The following FAR2 variants were observed in gnomAD, a reference collection of about 807,000 sequenced individuals.
FAR2 encodes fatty acyl-CoA reductase 2, also known as epididymis secretory protein Li 81.
Under a neutral mutation model 56.0 loss-of-function variants are expected in FAR2, and 19 were observed. The observed-to-expected ratio is 0.34, with a 90% CI of 0.24 to 0.50. The LOEUF (loss-of-function observed/expected upper bound fraction) is 0.50, where lower values mean the gene tolerates loss of function less well. Among genes scored for constraint, FAR2 ranks in the 20% least tolerant of loss-of-function variants. FAR2 has a pLI of 0.98. For missense variants in FAR2, 508 were observed against 642.2 expected (o/e 0.79, Z 2.26); for synonymous variants, 219 against 218.8 (o/e 1.00, Z -0.01).
At chr12:29,187,312 G>A (rs1056016695) in intron 1 of FAR2, among the ~76,000 whole-genome samples, 3 of 151,840 alleles carry the variant, frequency 2.0e-5, no homozygotes. Flanking sequence ...CTAGAGCTCA[G>A]TTATTAAATA....
intron 1 of FAR2, among the ~76,000 whole-genome samples, chr12:29,262,509 A>T (rs915773218): frequency 2.0e-5 from 3 of 152,188 alleles, no homozygotes; most frequent in Non-Finnish European, 1.5e-5. Context: ...GCACGCCTGT[A>T]ATCCCAGCTA....
intron 1 of FAR2, among the ~76,000 whole-genome samples, chr12:29,266,007 G>A (rs955721116): frequency 2.0e-5 from 3 of 152,040 alleles, no homozygotes; most frequent in Admixed American, 6.6e-5. Context: ...TCCAAAGACA[G>A]GCAATAACAA....
At chr12:29,218,966 A>G (rs1947654660) in intron 1 of FAR2, among the ~76,000 whole-genome samples, 1 of 152,116 alleles carries the variant, frequency 6.6e-6, no homozygotes. Context: ...ATCTCAGCTC[A>G]CTGCAACCTC....
intron 2 of FAR2, among the ~76,000 whole-genome samples, chr12:29,287,303 C>T (rs10771512): frequency 0.53 from 80,279 of 152,006 alleles, 21,507 homozygotes; most frequent in East Asian, 0.62. Flanking sequence ...GTTATAGAAA[C>T]GGTCTTCGCT....
At chr12:29,271,291 C>T (rs949812062) in intron 2 of FAR2, among the ~76,000 whole-genome samples, 1 of 152,164 alleles carries the variant, frequency 6.6e-6, no homozygotes, top group South Asian at 2.1e-4. Context: ...AATTTCAAGG[C>T]AGTATAACCT....
chr12:29,246,982 CATA>C (rs748525944), intron 1 of FAR2, among the ~76,000 whole-genome samples: 27 of 151,992 alleles, frequency 1.8e-4, no homozygotes, highest in Non-Finnish European at 2.8e-4. Context: ...TTTCATAATT[CATA>C]ATATTTCATA....
chr12:29,212,008 G>T (rs1328282486), intron 1 of FAR2, among the ~76,000 whole-genome samples: 1 of 151,302 alleles, frequency 6.6e-6, no homozygotes, highest in African/African-American at 2.4e-5. Flanking sequence ...GAGAGGCCTG[G>T]AACAGATCCT....
intron 1 of FAR2, among the ~76,000 whole-genome samples, chr12:29,218,172 C>G (rs958132436): frequency 2.0e-5 from 3 of 151,864 alleles, no homozygotes; most frequent in East Asian, 3.9e-4. Context: ...CTGGCTAACA[C>G]GGTAAAACCT....
intron 1 of FAR2, among the ~76,000 whole-genome samples, chr12:29,165,866 A>T (rs2136581777): frequency 6.6e-6 from 1 of 152,364 alleles, no homozygotes; most frequent in Non-Finnish European, 1.5e-5. Flanking sequence ...AAAAAAATAT[A>T]GAACAGAGTT....
intron 1 of FAR2, among the ~76,000 whole-genome samples, chr12:29,198,093 T>C (rs1040265450): frequency 6.6e-6 from 1 of 152,224 alleles, no homozygotes; most frequent in Non-Finnish European, 1.5e-5. Context: ...AATAACAAAT[T>C]TTTAATGAGA....
intron 10 of FAR2, among the ~76,000 whole-genome samples, chr12:29,325,256 C>T (rs1007267150): frequency 6.6e-6 from 1 of 152,152 alleles, no homozygotes; most frequent in African/African-American, 2.4e-5. Flanking sequence ...AAAGCAAGCC[C>T]TTAGTGACCT....
At chr12:29,186,294 C>T (rs184910358) in intron 1 of FAR2, among the ~76,000 whole-genome samples, 6 of 152,284 alleles carry the variant, frequency 3.9e-5, no homozygotes, top group Admixed American at 3.9e-4. Flanking sequence ...CATATTGCAG[C>T]TCTAGGAGAT....
chr12:29,209,406 G>T (rs1449738811), intron 1 of FAR2, among the ~76,000 whole-genome samples: 1 of 152,186 alleles, frequency 6.6e-6, no homozygotes, highest in Non-Finnish European at 1.5e-5. Context: ...AAGTCTTCTA[G>T]AACTGAACCT....
At chr12:29,262,500 C>T (rs1948437229) in intron 1 of FAR2, among the ~76,000 whole-genome samples, 1 of 152,040 alleles carries the variant, frequency 6.6e-6, no homozygotes, top group South Asian at 2.1e-4. Flanking sequence ...CATGGTGGCG[C>T]ACGCCTGTAA....
intron 10 of FAR2, chr12:29,331,657 T>A (rs1171273667): frequency 1.3e-5 from 2 of 152,138 alleles, no homozygotes; most frequent in African/African-American, 4.8e-5. Context: ...AGGCCCTTTA[T>A]ATGGAGATTT....
chr12:29,226,251 T>A (rs1288204296), intron 1 of FAR2, among the ~76,000 whole-genome samples: 1 of 152,230 alleles, frequency 6.6e-6, no homozygotes, highest in African/African-American at 2.4e-5. Flanking sequence ...TAGTTTATGA[T>A]TGTATTTGAC....
intron 2 of FAR2, among the ~76,000 whole-genome samples, chr12:29,285,118 G>C (rs891794843): frequency 1.6e-4 from 25 of 152,162 alleles, no homozygotes; most frequent in Middle Eastern, 3.2e-3. Context: ...TGGGATTACA[G>C]GCGTGAGCCA....
chr12:29,285,203 A>ACGC, intron 2 of FAR2, among the ~76,000 whole-genome samples: 1 of 56,988 alleles, frequency 1.8e-5, no homozygotes. Flanking sequence ...AAGTGTGTTC[A>ACGC]TGCTTCGCTG....
chr12:29,159,405 G>A lies in FAR2; in HGVS notation c.-39+9998G>A, dbSNP rs144455151. ...TACAAAAAATTAGCTGGGCATGTTGGCAGGTGCCTGTAGTCCCAGCTACTC... is the reference window on the plus strand; with the variant it reads ...TACAAAAAATTAGCTGGGCATGTTGACAGGTGCCTGTAGTCCCAGCTACTC... On this transcript the variant is annotated intron_variant, in intron 1 of 11. Coordinates refer to ENST00000536681, the MANE Select transcript of FAR2 (RefSeq NM_001271783.2). 2.0e-3 allele frequency among the ~76,000 whole-genome samples: 304 copies of A among 152,158 alleles called. 1 individual carries two copies. The highest frequency in any genetic ancestry group is 7.1e-3 in the African/African-American group (295 of 41,510).
Sources: allele counts gnomAD v4.1 joint callset (sites outside exome capture counted in the v4.1 genomes callset), GRCh38; gene constraint gnomAD v4.1.1; transcripts MANE v1.5; gene names NCBI Gene and HGNC (gene_info 2026-07-23, HGNC 2026-07-21).